The following SLC25A43 variants were observed in gnomAD, a reference collection of about 807,000 sequenced individuals.
SLC25A43 encodes solute carrier family 25, member 43.
A neutral mutation model predicts 22.8 loss-of-function variants in SLC25A43; 10 were observed. That is an observed-to-expected ratio of 0.44 (90% CI 0.27 to 0.74). The LOEUF is 0.74. SLC25A43 is among the 30% of genes least tolerant of loss of function. SLC25A43 has a pLI of 0.17. For missense variants in SLC25A43, 233 were observed against 279.1 expected (o/e 0.83, Z 1.18); for synonymous variants, 106 against 121.6 (o/e 0.87, Z 0.84).
chrX:119,413,938 A>G (rs1293045026), intron 3 of SLC25A43, among the ~76,000 whole-genome samples: 4 of 111,379 alleles, frequency 3.6e-5, no homozygotes, highest in Non-Finnish European at 7.5e-5. Flanking sequence ...TCCTTAGGCT[A>G]TATTCCTAGA....
Position 119,443,281 on chromosome X carries a change from G to A in SLC25A43, c.691-8728G>A, listed in dbSNP as rs142111153. Among the ~76,000 whole-genome samples, 636 of 107,883 alleles carry A rather than the reference G, an allele frequency of 5.9e-3. 5 individuals carry two copies. The highest frequency in any genetic ancestry group is 0.02 in the African/African-American group (585 of 29,675). The allele number at this position is 107,883 out of a possible 115,157, so 93.7% of individuals were successfully genotyped here. A position where few individuals can be genotyped will look rare whatever the true frequency, so the allele number is the denominator to read the frequency against. On this transcript the variant is annotated intron_variant, in intron 3 of 4. Coordinates refer to ENST00000217909, the MANE Select transcript of SLC25A43 (RefSeq NM_145305.3). ...ATTACAGGCATCTGCCACCATGCCC[G>A]GCTAATTTTTGTATTTTTAGCAGAG...
At chrX:119,411,253 C>T (rs2052347552) in intron 3 of SLC25A43, among the ~76,000 whole-genome samples, 1 of 111,853 alleles carries the variant, frequency 8.9e-6, no homozygotes, top group South Asian at 3.7e-4. Context: ...GTAATCCCAG[C>T]ACTTTGGGAG....
Position 119,399,644 on chromosome X carries a change from C to T in SLC25A43, c.241C>T (p.Pro81Ser), listed in dbSNP as rs2147245460. The stretch of plus-strand genomic sequence containing the variant: ...CGCGGTGGCGTGCCTGCGCCTCTTC[C>T]CCTGCAGCGCCGTGCAGCTCGCCGC... ...GNAVACLRLF[P>S]CSAVQLAAYR... The change falls in exon 1 of 5, where the codon CCC becomes TCC. Residue 81 changes from proline to serine, a missense_variant. By Grantham distance (74) the Pro-to-Ser change is moderately conservative. Coordinates refer to ENST00000217909, the MANE Select transcript of SLC25A43 (RefSeq NM_145305.3). 1 of 1,004,734 alleles carries T rather than the reference C, an allele frequency of 1.0e-6. No individual in the cohort carries two copies. Among genetic ancestry groups the T allele is most frequent in the East Asian group, 4.1e-5 (1 of 24,304 alleles). 82.8% of individuals were successfully genotyped at this position (1,004,734 alleles called of 1,213,427 possible). A position where few individuals can be genotyped will look rare whatever the true frequency, so the allele number is the denominator to read the frequency against.
At chrX:119,412,336 G>A (rs909373497) in intron 3 of SLC25A43, among the ~76,000 whole-genome samples, 2 of 109,437 alleles carry the variant, frequency 1.8e-5, no homozygotes, top group Non-Finnish European at 3.8e-5. Flanking sequence ...TTAACCCTTT[G>A]TCATACATTT....
intron 3 of SLC25A43, among the ~76,000 whole-genome samples, chrX:119,443,448 C>CTT (rs370848437): frequency 0.012 from 844 of 72,515 alleles, 37 homozygotes; most frequent in African/African-American, 0.037. Context: ...CTCTCTCTCT[C>CTT]TTTTTTTTTT....
chrX:119,404,906 G>A (rs927497655), intron 1 of SLC25A43, among the ~76,000 whole-genome samples: 1 of 112,233 alleles, frequency 8.9e-6, no homozygotes, highest in Non-Finnish European at 1.9e-5. Context: ...GCCATCCCGG[G>A]CCACATGCGG....
At chrX:119,444,864 G>A (rs1372840024) in intron 3 of SLC25A43, among the ~76,000 whole-genome samples, 2 of 107,911 alleles carry the variant, frequency 1.9e-5, no homozygotes, top group East Asian at 2.9e-4. Context: ...GCAAAACCCT[G>A]TCTCTACGAA....
In SLC25A43 at chrX:119,426,119, G is replaced by A. The variant is rs748246303; in HGVS notation, c.690+15757G>A. Reference sequence around the variant, plus strand: ...AGGAAAGGTCTGCTGTCAAGAGGGAGGACCCGCAGCTGGCTGGGAGCATTC... The same window carrying A: ...AGGAAAGGTCTGCTGTCAAGAGGGAAGACCCGCAGCTGGCTGGGAGCATTC... On this transcript the variant is annotated intron_variant, in intron 3 of 4. Transcript: ENST00000217909. 18 of 514,806 alleles carry A rather than the reference G, an allele frequency of 3.5e-5. No individual in the cohort carries two copies. The South Asian group carries it at 1.7e-3, about 50-fold the overall frequency. 42.4% of individuals were successfully genotyped at this position (514,806 alleles called of 1,213,427 possible).
chrX:119,443,750 ATT>A (rs1569376289), intron 3 of SLC25A43, among the ~76,000 whole-genome samples: 9 of 101,075 alleles, frequency 8.9e-5, no homozygotes, highest in Admixed American at 3.2e-4. Flanking sequence ...TTATTTATTT[ATT>A]TTTATTTTTT....
intron 3 of SLC25A43, among the ~76,000 whole-genome samples, chrX:119,428,623 T>C (rs1239729313): frequency 8.9e-6 from 1 of 112,539 alleles, no homozygotes; most frequent in Non-Finnish European, 1.9e-5. Context: ...CTAACAATGC[T>C]GTAACAAATC....
At chrX:119,445,037 CCAAA>C (rs1489243365) in intron 3 of SLC25A43, among the ~76,000 whole-genome samples, 39 of 25,624 alleles carry the variant, frequency 1.5e-3, no homozygotes, top group Non-Finnish European at 1.9e-3. Context: ...GACCCTGTCT[CCAAA>C]AAAAAAAAAA....
At chrX:119,427,676 C>A (rs1012353573) in intron 3 of SLC25A43, among the ~76,000 whole-genome samples, 1 of 111,924 alleles carries the variant, frequency 8.9e-6, no homozygotes, top group Non-Finnish European at 1.9e-5. Context: ...CCACCTCCCC[C>A]ACATATATGT....
intron 3 of SLC25A43, among the ~76,000 whole-genome samples, chrX:119,428,178 G>A (rs1453741617): frequency 8.9e-6 from 1 of 111,977 alleles, no homozygotes; most frequent in African/African-American, 3.2e-5. Flanking sequence ...ATCTCGGCTG[G>A]GCACGGTGGC....
At chrX:119,403,425 G>A (rs923407524) in intron 1 of SLC25A43, among the ~76,000 whole-genome samples, 40 of 111,030 alleles carry the variant, frequency 3.6e-4, no homozygotes, top group African/African-American at 1.3e-3. Flanking sequence ...GAGTAGCTGG[G>A]ATTACAGGTG....
At chrX:119,415,545 A>G (rs2056925637) in intron 3 of SLC25A43, among the ~76,000 whole-genome samples, 1 of 107,938 alleles carries the variant, frequency 9.3e-6, no homozygotes, top group African/African-American at 3.4e-5. Context: ...AAATGCAAAA[A>G]TTAGCCGGGT....
At chrX:119,451,775 C>T (rs1012645903) in intron 3 of SLC25A43, 1 of 979,934 alleles carries the variant, frequency 1.0e-6, no homozygotes, top group African/African-American at 2.0e-5. Context: ...ATGTCTGCTT[C>T]CTTCCAGGCA....
Position 119,404,820 on chromosome X carries a change from TA to T in SLC25A43, c.276-1627del, listed in dbSNP as rs36122726. 4.4e-3 allele frequency among the ~76,000 whole-genome samples: 449 copies of T among 101,714 alleles called. 1 individual carries two copies. The highest frequency in any genetic ancestry group is 6.6e-3 in the Non-Finnish European group (329 of 49,784). The allele number at this position is 101,714 out of a possible 115,157, so 88.3% of individuals were successfully genotyped here. A position where few individuals can be genotyped will look rare whatever the true frequency, so the allele number is the denominator to read the frequency against. ...ATAACACTAACGATAGCTGATGAGC[TA>T]AAAAAAAAAAAATTGCAAAAAAATC... On this transcript the variant is annotated intron_variant, in intron 1 of 4. Transcript: ENST00000217909.
Position 119,412,636 on chromosome X carries a change from A to G in SLC25A43, c.690+2274A>G, listed in dbSNP as rs984284025. On this transcript the variant is annotated intron_variant, in intron 3 of 4. Transcript: ENST00000217909. ...AGAGATCCACCCGCCTCAGCCTCCC[A>G]AAGTGCTGGGATTATAGGCATGAGC... Among the ~76,000 whole-genome samples the G allele has an allele frequency of 2.7e-5, 3 of 112,112 alleles. No homozygotes were observed. The Admixed American group carries it at 2.8e-4, about 11-fold the overall frequency.
chrX:119,404,806 G>A (rs956583050), intron 1 of SLC25A43, among the ~76,000 whole-genome samples: 1 of 105,604 alleles, frequency 9.5e-6, no homozygotes, highest in Admixed American at 1.0e-4. Context: ...TAACACTAAC[G>A]ATAGCTGATG....
Sources: gnomAD v4.1 joint callset for allele counts (sites outside exome capture counted in the v4.1 genomes callset) on GRCh38, gnomAD v4.1.1 for gene constraint, MANE v1.5 for transcripts, NCBI Gene and HGNC (gene_info 2026-07-23, HGNC 2026-07-21) for gene names.